The following SAMD12 variants were observed in gnomAD, a reference collection of about 807,000 sequenced individuals.
SAMD12 encodes sterile alpha motif domain-containing protein 12.
In SAMD12, 9 loss-of-function variants were observed where a neutral mutation model predicts 15.0. The ratio of observed to expected loss-of-function variants is 0.60; its 90% CI spans 0.36 to 1.05. The LOEUF is 1.05. Among genes scored for constraint, SAMD12 ranks in the 50% least tolerant of loss-of-function variants. The probability of loss-of-function intolerance (pLI) is 0.01; values close to 1 mark genes in which losing one functional copy is unlikely to be tolerated. For synonymous variants in SAMD12, 86 were observed against 90.1 expected (o/e 0.96, Z 0.25); for missense variants, 230 against 234.2 (o/e 0.98, Z 0.12).
chr8:118,206,272 C>T (rs1433893107), intron 4 of SAMD12, among the ~76,000 whole-genome samples: 9 of 152,186 alleles, frequency 5.9e-5, no homozygotes, highest in African/African-American at 1.9e-4. Context: ...CTACATCTTT[C>T]CCCCAGTACT....
At chr8:118,492,595 T>G (rs1306913471) in intron 2 of SAMD12, among the ~76,000 whole-genome samples, 1 of 152,192 alleles carries the variant, frequency 6.6e-6, no homozygotes, top group African/African-American at 2.4e-5. Context: ...AGATGACTAA[T>G]ACTTTTTGTA....
the SAMD12 span, among the ~76,000 whole-genome samples, chr8:118,164,810 T>A: frequency 6.6e-6 from 1 of 151,858 alleles, no homozygotes; most frequent in African/African-American, 2.4e-5. Flanking sequence ...TGTCTCTCTC[T>A]GTATATATAT....
chr8:118,381,766 C>A (rs1305015146), intron 3 of SAMD12, among the ~76,000 whole-genome samples: 1 of 152,190 alleles, frequency 6.6e-6, no homozygotes, highest in Non-Finnish European at 1.5e-5. Flanking sequence ...TTTTGGACTT[C>A]TGACCCCGAT....
chr8:118,528,246 G>T (rs1405767484), intron 2 of SAMD12, among the ~76,000 whole-genome samples: 7 of 152,090 alleles, frequency 4.6e-5, no homozygotes, highest in Non-Finnish European at 8.8e-5. Context: ...TGGCCAGGCT[G>T]GTCTCTAACT....
chr8:118,170,340 T>C, the SAMD12 span, among the ~76,000 whole-genome samples: 1 of 152,318 alleles, frequency 6.6e-6, no homozygotes, highest in African/African-American at 2.4e-5. Flanking sequence ...ATATATCTTA[T>C]AAAATGTGGA....
At chr8:118,456,057 T>C (rs969766458) in intron 2 of SAMD12, among the ~76,000 whole-genome samples, 1 of 152,242 alleles carries the variant, frequency 6.6e-6, no homozygotes, top group Non-Finnish European at 1.5e-5. Context: ...GGTCCTTCAG[T>C]GGCTTTCCTT....
chr8:118,177,482 A>G, the SAMD12 span, among the ~76,000 whole-genome samples: 1 of 151,984 alleles, frequency 6.6e-6, no homozygotes, highest in South Asian at 2.1e-4. Flanking sequence ...GGGCTCAAGC[A>G]ATTCTTGTGC....
intron 2 of SAMD12, among the ~76,000 whole-genome samples, chr8:118,484,438 T>G (rs1824221300): frequency 1.3e-5 from 2 of 152,128 alleles, no homozygotes; most frequent in South Asian, 4.1e-4. Context: ...AGTACTCTTA[T>G]CACAAAATAA....
At chr8:118,282,188 T>A in intron 4 of SAMD12, 1 of 422,040 alleles carries the variant, frequency 2.4e-6, no homozygotes, top group Middle Eastern at 3.5e-4. Context: ...CTTCCCTTTT[T>A]TCTTTTCTTC....
chr8:118,311,789 T>C (rs546898011), intron 4 of SAMD12, among the ~76,000 whole-genome samples: 2 of 152,330 alleles, frequency 1.3e-5, no homozygotes, highest in East Asian at 1.9e-4. Context: ...CTGGAAAAGC[T>C]ACCCTTTCAC....
At chr8:118,621,534 G>C (rs1452151560) in intron 1 of SAMD12, 1 of 495,796 alleles carries the variant, frequency 2.0e-6, no homozygotes, top group Non-Finnish European at 3.6e-6. Context: ...CCCATTTCCA[G>C]GATATCGTTT....
At chr8:118,150,744 A>T in the SAMD12 span, among the ~76,000 whole-genome samples, 1 of 152,148 alleles carries the variant, frequency 6.6e-6, no homozygotes, top group Non-Finnish European at 1.5e-5. Flanking sequence ...TATATTTACC[A>T]ATTCCAAGGT....
At chr8:118,463,853 G>T (rs1823508232) in intron 2 of SAMD12, among the ~76,000 whole-genome samples, 1 of 152,114 alleles carries the variant, frequency 6.6e-6, no homozygotes, top group East Asian at 1.9e-4. Context: ...TCAATTACTG[G>T]GTTTGGCAGG....
At chr8:118,164,563 TA>T in the SAMD12 span, among the ~76,000 whole-genome samples, 1 of 152,170 alleles carries the variant, frequency 6.6e-6, no homozygotes, top group Non-Finnish European at 1.5e-5. Context: ...TTTTTATTTT[TA>T]TTTTTTGCTA....
At chr8:118,176,579 T>C in the SAMD12 span, among the ~76,000 whole-genome samples, 5 of 152,148 alleles carry the variant, frequency 3.3e-5, no homozygotes, top group Admixed American at 1.3e-4. Context: ...AACCAAATAC[T>C]GTATGTTCTC....
rs1812869400 is a variant in SAMD12, at chr8:118,253,724, T to C, written c.434-55992A>G. On this transcript the variant is annotated intron_variant, in intron 4 of 4. Transcript: ENST00000409003. ...ATAAATGTGAGTTAACCAACTAAACTATCCTTTAACCAAGGTCAGGTCCCA... is the reference window on the plus strand; with the variant it reads ...ATAAATGTGAGTTAACCAACTAAACCATCCTTTAACCAAGGTCAGGTCCCA... Among the ~76,000 whole-genome samples the C allele has an allele frequency of 2.0e-5, 3 of 152,320 alleles. No homozygotes were observed. The South Asian group carries it at 6.2e-4, about 32-fold the overall frequency.
chr8:118,397,289 G>A (rs1361016143), intron 3 of SAMD12, among the ~76,000 whole-genome samples: 3 of 152,122 alleles, frequency 2.0e-5, no homozygotes, highest in Non-Finnish European at 2.9e-5. Flanking sequence ...TCCTGAGTGG[G>A]TAGATCAGTG....
rs530006378 is a variant in SAMD12, at chr8:118,621,952, G to C, written c.-136C>G. The C allele has an allele frequency of 9.5e-7, 1 of 1,056,926 alleles. No individual in the cohort carries two copies. The highest frequency in any genetic ancestry group is 1.6e-5 in the African/African-American group (1 of 64,418). 65.5% of individuals were successfully genotyped at this position (1,056,926 alleles called of 1,614,324 possible). On this transcript the variant is annotated 5_prime_UTR_variant, in exon 1 of 4. Coordinates refer to ENST00000314727, the MANE Select transcript of SAMD12 (RefSeq NM_207506.3). ...TCCAGGACCAACCTGCCGCGGTCAC[G>C]CAAAGCGAGGCAGCCGGCTCCCGGC... is the stretch of plus-strand genomic sequence containing the variant.
the SAMD12 span, among the ~76,000 whole-genome samples, chr8:118,141,895 C>G: frequency 6.6e-6 from 1 of 152,196 alleles, no homozygotes; most frequent in East Asian, 1.9e-4. Flanking sequence ...TTAGTCCTGG[C>G]CATCCCCTGT....
Sources: allele counts gnomAD v4.1 joint callset (sites outside exome capture counted in the v4.1 genomes callset), GRCh38; gene constraint gnomAD v4.1.1; transcripts MANE v1.5; gene names NCBI Gene and HGNC (gene_info 2026-07-23, HGNC 2026-07-21).